Variants in MYB observed in about 807,000 individuals in gnomAD.
MYB encodes the protein transcriptional activator Myb.
MYB carries 28 observed loss-of-function variants against 92.9 expected under a neutral mutation model. The ratio of observed to expected loss-of-function variants is 0.30; its 90% CI spans 0.22 to 0.41. MYB has a LOEUF of 0.41. Ranked by LOEUF, MYB falls within the 10% of genes least tolerant of loss-of-function variation. MYB has a pLI of 1.00. For synonymous variants in MYB, 295 were observed against 329.1 expected (o/e 0.90, Z 1.12); for missense variants, 679 against 929.3 (o/e 0.73, Z 3.50).
At position 135,185,974 on chromosome 6, in the gene MYB, A is replaced by G. The variant is rs1426416522; in HGVS notation, c.95A>G (p.Lys32Arg). ...CATGACTATGATGGGCTGCTTCCCA[A>G]GTCTGGAAAGCGTCACTTGGGGAAA... Reference protein sequence around the residue: ...CDHDYDGLLPKSGKRHLGKTR... With the variant: ...CDHDYDGLLPRSGKRHLGKTR... The change falls in exon 2 of 16, where the codon AAG (lysine) becomes AGG (arginine). Residue 32 changes from lysine to arginine, a missense_variant. Physicochemically the swap from Lys to Arg is conservative, Grantham distance 26. This residue lies in a region of MYB where 88 missense variants were observed against 145.6 expected (regional missense o/e 0.60). Coordinates refer to ENST00000341911, the MANE Select transcript of MYB (RefSeq NM_001130173.2). The G allele has an allele frequency of 6.2e-7, 1 of 1,614,156 alleles. No individual in the cohort carries two copies. The highest frequency in any genetic ancestry group is 8.5e-7 in the Non-Finnish European group (1 of 1,180,014).
Position 135,186,030 on chromosome 6 carries a change from C to G in MYB, c.141+10C>G. The G allele has an allele frequency of 6.2e-7, 1 of 1,605,080 alleles. No homozygotes were observed. Among genetic ancestry groups the G allele is most frequent in the Admixed American group, 1.7e-5 (1 of 59,968 alleles). ...GTGGACCCGGGAAGAGGTAACTAAT[C>G]ATTTTATCAAGACGCAGAAAATAGA... On this transcript the variant is annotated intron_variant, in intron 2 of 15. Coordinates refer to ENST00000341911, the MANE Select transcript of MYB (RefSeq NM_001130173.2).
intron 11 of MYB, chr6:135,199,382 C>T (rs1274361759): frequency 4.1e-6 from 1 of 243,608 alleles, no homozygotes; most frequent in Non-Finnish European, 7.0e-6. Flanking sequence ...AACCTCCTTT[C>T]CTCTCTAATT....
Position 135,190,857 on chromosome 6 carries a change from C to T in MYB, c.527+510C>T, listed in dbSNP as rs1312124281. ...ACACATGAGTGACAGAGTGCAGTGG[C>T]ATGATCATAGCTCAATACATCCTTG... On this transcript the variant is annotated intron_variant, in intron 5 of 15. Coordinates refer to ENST00000341911, the MANE Select transcript of MYB (RefSeq NM_001130173.2). The surrounding 1 kb of genome is among the most constrained non-coding windows in gnomAD (Gnocchi z 4.5). Among the ~76,000 whole-genome samples, 3 of 152,098 alleles carry T rather than the reference C, an allele frequency of 2.0e-5. No individual in the cohort carries two copies. The highest frequency in any genetic ancestry group is 7.2e-5 in the African/African-American group (3 of 41,400).
Position 135,212,522 on chromosome 6 carries a change from G to A in MYB, c.2170-5342G>A, listed in dbSNP as rs942940712. Among the ~76,000 whole-genome samples the A allele has an allele frequency of 6.6e-5, 10 of 151,978 alleles. 1 individual carries two copies. The highest frequency in any genetic ancestry group is 1.0e-4 in the Non-Finnish European group (7 of 67,998). Reference sequence around the variant, plus strand: ...AAAGATGGCAATATTTATTTAAAGTGCTTTAACAGGATATCCCAGTTAAAG... The same window carrying A: ...AAAGATGGCAATATTTATTTAAAGTACTTTAACAGGATATCCCAGTTAAAG... On this transcript the variant is annotated intron_variant, in intron 15 of 15. Coordinates refer to ENST00000341911, the MANE Select transcript of MYB (RefSeq NM_001130173.2).
intron 14 of MYB, 40 bp downstream of exon 14, chr6:135,201,789 A>T (rs1778131783): frequency 7.9e-7 from 1 of 1,261,162 alleles, no homozygotes; most frequent in African/African-American, 1.5e-5. Flanking sequence ...GTTATGTGAC[A>T]CTGGTGCCTC....
At chr6:135,213,863 G>A (rs578130780) in intron 15 of MYB, among the ~76,000 whole-genome samples, 1 of 151,980 alleles carries the variant, frequency 6.6e-6, no homozygotes, top group South Asian at 2.1e-4. Flanking sequence ...CAAGGAGCAA[G>A]ACCCTCTCTC....
At chr6:135,201,594 A>T in intron 13 of MYB, 45 bp from the exon 14 acceptor site, 1 of 1,330,252 alleles carries the variant, frequency 7.5e-7, no homozygotes, top group Non-Finnish European at 1.1e-6. Context: ...TACATGTTTC[A>T]TAGGAAGTTC....
chr6:135,196,063 T>A lies in MYB; in HGVS notation c.1203+61T>A. 5 of 1,540,948 alleles carry A rather than the reference T, an allele frequency of 3.2e-6. No individual in the cohort carries two copies. In the South Asian group the frequency reaches 5.8e-5, roughly 18 times the overall value. On this transcript the variant is annotated intron_variant, in intron 9 of 15. Transcript: ENST00000341911. ...GAAGATAAATTAGAAAACCCATTTC[T>A]TAAATCATTGCCATTTTCTATAGCC...
At chr6:135,193,763 A>C (rs550666787) in intron 6 of MYB, 75 bp from the exon 7 acceptor site, 362 of 970,138 alleles carry the variant, frequency 3.7e-4, no homozygotes, top group Non-Finnish European at 4.8e-4. Context: ...CCAGAACGAA[A>C]CCTCAGGAAG....
chr6:135,211,075 G>C (rs891491156), intron 15 of MYB, among the ~76,000 whole-genome samples: 3 of 151,700 alleles, frequency 2.0e-5, no homozygotes, highest in Admixed American at 6.6e-5. Context: ...GTATGATGGA[G>C]ATGAAGCAAC....
intron 15 of MYB, among the ~76,000 whole-genome samples, chr6:135,204,814 A>G (rs1401547348): frequency 6.6e-6 from 1 of 152,192 alleles, no homozygotes. Context: ...AAGACTCAGA[A>G]TACCACAAAG....
At chr6:135,188,772 A>C (rs1011287074) in intron 3 of MYB, among the ~76,000 whole-genome samples, 19 of 152,066 alleles carry the variant, frequency 1.2e-4, no homozygotes, top group Non-Finnish European at 2.5e-4. Context: ...AGCCTCCCGA[A>C]GTGCTAGGAT....
At chr6:135,213,531 C>T (rs1029847928) in intron 15 of MYB, among the ~76,000 whole-genome samples, 1 of 152,122 alleles carries the variant, frequency 6.6e-6, no homozygotes, top group African/African-American at 2.4e-5. Flanking sequence ...CTAGATTCTC[C>T]TGAATCGACT....
intron 6 of MYB, among the ~76,000 whole-genome samples, chr6:135,193,386 A>G (rs535718714): frequency 6.6e-6 from 1 of 152,332 alleles, no homozygotes; most frequent in Non-Finnish European, 1.5e-5. Flanking sequence ...CAAACTTTAC[A>G]GAAAGGTCTC....
At chr6:135,183,946 C>T (rs909338492) in intron 1 of MYB, among the ~76,000 whole-genome samples, 8 of 152,224 alleles carry the variant, frequency 5.3e-5, no homozygotes, top group Non-Finnish European at 7.3e-5. Flanking sequence ...TTGTCCAAGT[C>T]ATACAGCTAG....
chr6:135,195,903 C>T lies in MYB; in HGVS notation c.1104C>T (p.Ser368=), dbSNP rs752423593. Residue 368 remains serine (S), a synonymous_variant, in exon 9 of 16, where the codon AGC becomes AGT. Transcript: ENST00000341911. ...ATCCTGGCTCCCTACCTGAAGAAAG[C>T]GCCTCGCCAGCAAGGTGCATGATCG... ...PADPGSLPEE[S]ASPARCMIVH... 6 of 1,614,154 alleles carry T rather than the reference C, an allele frequency of 3.7e-6. No individual in the cohort carries two copies. The highest frequency in any genetic ancestry group is 2.2e-5 in the South Asian group (2 of 91,078).
At chr6:135,193,484 G>A (rs1288010774) in intron 6 of MYB, among the ~76,000 whole-genome samples, 1 of 151,762 alleles carries the variant, frequency 6.6e-6, no homozygotes, top group Non-Finnish European at 1.5e-5. Flanking sequence ...ACAAACAGCT[G>A]GTGCCATCAA....
chr6:135,200,118 A>T lies in MYB; in HGVS notation c.1743A>T (p.Leu581Phe), dbSNP rs1777854856. The T allele has an allele frequency of 1.2e-6, 2 of 1,614,068 alleles. No individual in the cohort carries two copies. The highest frequency in any genetic ancestry group is 1.3e-5 in the African/African-American group (1 of 74,948). Reference sequence around the variant, plus strand: ...CCCCAGCTATCAAAAGGTCAATCTTAGAAAGCTCTCCAAGAACTCCTACAC... The same window carrying T: ...CCCCAGCTATCAAAAGGTCAATCTTTGAAAGCTCTCCAAGAACTCCTACAC... ...FRTPAIKRSI[L>F]ESSPRTPTPF... is the part of the protein sequence containing the mutation. Residue 581 changes from leucine to phenylalanine, a missense_variant, in exon 12 of 16, where the codon TTA becomes TTT. Around this residue, in one of 8 missense-constraint regions of MYB, gnomAD observed 402 missense variants for 434.2 expected, o/e 0.93. Coordinates refer to ENST00000341911, the MANE Select transcript of MYB (RefSeq NM_001130173.2).
At position 135,200,291 on chromosome 6, in the gene MYB, C is replaced by G; in HGVS notation, c.1826C>G (p.Pro609Arg). 2 of 1,613,998 alleles carry G rather than the reference C, an allele frequency of 1.2e-6. No individual in the cohort carries two copies. The highest frequency in any genetic ancestry group is 1.7e-6 in the Non-Finnish European group (2 of 1,179,952). The change falls in exon 13 of 16, where the codon CCT becomes CGT. Residue 609 changes from proline to arginine, a missense_variant and splice_region_variant. Physicochemically the swap from Pro to Arg is moderately radical, Grantham distance 103. This residue lies in a region of MYB where 402 missense variants were observed against 434.2 expected (regional missense o/e 0.93). Transcript: ENST00000341911. ...EIKYGPLKMLPQTPSHLVEDL... is the reference protein window; with the variant it reads ...EIKYGPLKMLRQTPSHLVEDL... Reference sequence around the variant, plus strand: ...AAAAATACCCACTCTTCCGTTTAGCCTCAGACACCCTCTCATCTAGTAGAA... The same window carrying G: ...AAAAATACCCACTCTTCCGTTTAGCGTCAGACACCCTCTCATCTAGTAGAA...
Sources: gnomAD v4.1 joint callset for allele counts (sites outside exome capture counted in the v4.1 genomes callset) on GRCh38, gnomAD v4.1.1 for gene constraint, gnomAD v4.1.1 regional missense constraint, Gnocchi (gnomAD v3.1) non-coding constraint, MANE v1.5 for transcripts, NCBI Gene and HGNC (gene_info 2026-07-23, HGNC 2026-07-21) for gene names.